The following GRIN2A variants were observed in gnomAD, a reference collection of about 807,000 sequenced individuals.
GRIN2A encodes the protein glutamate receptor ionotropic, NMDA 2A.
GRIN2A carries 22 observed loss-of-function variants against 113.4 expected under a neutral mutation model. The observed-to-expected ratio is 0.19, with a 90% CI of 0.14 to 0.28. The LOEUF is 0.28. Ranked by LOEUF, GRIN2A falls within the 10% of genes least tolerant of loss-of-function variation. GRIN2A has a pLI of 1.00. For synonymous variants in GRIN2A, 827 were observed against 738.4 expected, an observed-to-expected ratio of 1.12 and a Z score of -1.94; for missense variants, 1,502 against 1,887.0, an observed-to-expected ratio of 0.80 and a Z score of 3.78.
intron 10 of GRIN2A, among the ~76,000 whole-genome samples, chr16:9,816,060 A>G (rs1187125000): frequency 6.6e-6 from 1 of 152,262 alleles, no homozygotes; most frequent in Admixed American, 6.5e-5. Context: ...AGAGCAGTCA[A>G]AATCATAAAG....
intron 11 of GRIN2A, among the ~76,000 whole-genome samples, chr16:9,775,748 C>G (rs1901557634): frequency 6.6e-6 from 1 of 152,220 alleles, no homozygotes; most frequent in African/African-American, 2.4e-5. Context: ...GTAGTGAACA[C>G]CCAACTATTT....
chr16:10,129,121 G>C (rs773864230), intron 2 of GRIN2A, among the ~76,000 whole-genome samples: 8 of 152,054 alleles, frequency 5.3e-5, no homozygotes, highest in Non-Finnish European at 8.8e-5. Flanking sequence ...TGTTGCCCAG[G>C]CTGGAATGCA....
chr16:10,083,605 A>G (rs1165146807), intron 2 of GRIN2A, among the ~76,000 whole-genome samples: 3 of 152,198 alleles, frequency 2.0e-5, no homozygotes, highest in Non-Finnish European at 4.4e-5. Context: ...AAACACGCTC[A>G]TAGAGCTGCT....
chr16:9,815,773 T>C (rs1170358884), intron 10 of GRIN2A, among the ~76,000 whole-genome samples: 1 of 152,206 alleles, frequency 6.6e-6, no homozygotes, highest in African/African-American at 2.4e-5. Context: ...TCTGCATATA[T>C]ACCAACAAAA....
At chr16:10,055,089 A>AAAAG (rs1414071022) in intron 2 of GRIN2A, among the ~76,000 whole-genome samples, 15 of 82,266 alleles carry the variant, frequency 1.8e-4, no homozygotes, top group Non-Finnish European at 2.9e-4. Context: ...AAAAAAAGAA[A>AAAAG]AAAGAAAGAA....
intron 2 of GRIN2A, among the ~76,000 whole-genome samples, chr16:10,072,396 T>C (rs553796907): frequency 6.6e-6 from 1 of 152,206 alleles, no homozygotes; most frequent in East Asian, 1.9e-4. Flanking sequence ...GTACCTACAA[T>C]TTTATGGCTC....
At chr16:9,933,913 TAGAC>T (rs769724629) in intron 3 of GRIN2A, among the ~76,000 whole-genome samples, 14 of 152,358 alleles carry the variant, frequency 9.2e-5, no homozygotes, top group East Asian at 1.9e-4. Context: ...TTTTGTACGT[TAGAC>T]AGAAGTATGC....
chr16:10,019,814 G>A (rs1175392184), intron 2 of GRIN2A, among the ~76,000 whole-genome samples: 6 of 152,154 alleles, frequency 3.9e-5, no homozygotes, highest in Non-Finnish European at 8.8e-5. Flanking sequence ...TTGACCAAAG[G>A]GTACCAACTC....
chr16:10,141,053 G>C (rs2049316219), intron 2 of GRIN2A, among the ~76,000 whole-genome samples: 1 of 152,042 alleles, frequency 6.6e-6, no homozygotes. Flanking sequence ...AAGCAACCAG[G>C]CATGGTGGTA....
intron 10 of GRIN2A, among the ~76,000 whole-genome samples, chr16:9,801,429 C>G (rs1903354135): frequency 1.3e-5 from 2 of 152,158 alleles, no homozygotes; most frequent in South Asian, 4.1e-4. Context: ...GGGGTGAAAC[C>G]TTCTCCTATC....
chr16:9,777,236 A>G (rs889613633), intron 11 of GRIN2A, among the ~76,000 whole-genome samples: 4 of 152,182 alleles, frequency 2.6e-5, no homozygotes, highest in Non-Finnish European at 2.9e-5. Flanking sequence ...AACTCTCAAA[A>G]GGACAAAACA....
chr16:9,969,061 T>C (rs568304907), intron 2 of GRIN2A, among the ~76,000 whole-genome samples: 15 of 152,308 alleles, frequency 9.8e-5, no homozygotes, highest in African/African-American at 3.1e-4. Context: ...ACAGCAAGTC[T>C]GAAATTCAGA....
At chr16:10,052,602 C>G (rs530728806) in intron 2 of GRIN2A, among the ~76,000 whole-genome samples, 10 of 152,276 alleles carry the variant, frequency 6.6e-5, no homozygotes, top group African/African-American at 2.4e-4. Flanking sequence ...GTGACCAGGG[C>G]TGGCTGGCGG....
chr16:9,860,445 C>CAAAAAAAAAAAA (rs35715098), intron 4 of GRIN2A, among the ~76,000 whole-genome samples: 3 of 57,952 alleles, frequency 5.2e-5, no homozygotes, highest in African/African-American at 1.8e-4. Flanking sequence ...AAGAGTCTCT[C>CAAAAAAAAAAAA]AAAAAAAAAA....
intron 2 of GRIN2A, among the ~76,000 whole-genome samples, chr16:10,177,911 G>C (rs1193123303): frequency 6.6e-6 from 1 of 152,174 alleles, no homozygotes; most frequent in African/African-American, 2.4e-5. Context: ...TCACATGACA[G>C]CCTGAGCCAC....
chr16:9,764,232 G>A lies in GRIN2A; in HGVS notation c.3312C>T (p.Thr1104=), dbSNP rs1900759300. Residue 1104 remains threonine (T), a synonymous_variant, in exon 13 of 13, where the codon ACC becomes ACT. Transcript: ENST00000330684. ...GGGAGCTTGATTTGGTTTTCAGGTA[G>A]GTGCGCTCGACCTCACTACAGTCCT... ...YPKDCSEVER[T]YLKTKSSSPR... 6.2e-7 allele frequency: 1 copy of A among 1,613,768 alleles called. No individual in the cohort carries two copies. The highest frequency in any genetic ancestry group is 8.5e-7 in the Non-Finnish European group (1 of 1,179,944).
intron 2 of GRIN2A, among the ~76,000 whole-genome samples, chr16:10,144,444 C>CCATTTG (rs1380749866): frequency 1.3e-5 from 2 of 152,208 alleles, no homozygotes; most frequent in African/African-American, 4.8e-5. Flanking sequence ...TGCCTGTTGG[C>CCATTTG]CATTTGCATG....
intron 3 of GRIN2A, among the ~76,000 whole-genome samples, chr16:9,900,408 A>G (rs1284490143): frequency 6.6e-6 from 1 of 152,190 alleles, no homozygotes; most frequent in Non-Finnish European, 1.5e-5. Flanking sequence ...AGCACACCTG[A>G]GTCAAGGGTG....
chr16:10,094,454 GT>G (rs57308394), intron 2 of GRIN2A, among the ~76,000 whole-genome samples: 12,102 of 146,942 alleles, frequency 0.082, 1,055 homozygotes, highest in African/African-American at 0.23. Context: ...CAAGAAAACA[GT>G]TTTTTTTTTT....
Sources: allele counts gnomAD v4.1 joint callset (sites outside exome capture counted in the v4.1 genomes callset), GRCh38; gene constraint gnomAD v4.1.1; transcripts MANE v1.5; gene names NCBI Gene and HGNC (gene_info 2026-07-23, HGNC 2026-07-21).